Variants in PELI1 observed in about 807,000 individuals in gnomAD.
The protein encoded by PELI1 is pellino E3 ubiquitin protein ligase 1.
A neutral mutation model predicts 41.3 loss-of-function variants in PELI1; 15 were observed. That is an observed-to-expected ratio of 0.36 (90% CI 0.24 to 0.56). The LOEUF (loss-of-function observed/expected upper bound fraction) is 0.56. Ranked by LOEUF, PELI1 falls within the 20% of genes least tolerant of loss-of-function variation. PELI1 has a pLI of 0.82. For synonymous variants in PELI1, 178 were observed against 180.1 expected, an observed-to-expected ratio of 0.99 and a Z score of 0.09; for missense variants, 403 against 525.5, an observed-to-expected ratio of 0.77 and a Z score of 2.28.
At position 64,096,603 on chromosome 2, in the gene PELI1, C is replaced by T. The variant is rs1246882276; in HGVS notation, c.311G>A (p.Arg104Gln). 4 of 1,607,428 alleles carry T rather than the reference C, an allele frequency of 2.5e-6. No individual in the cohort carries two copies. The highest frequency in any genetic ancestry group is 3.4e-6 in the Non-Finnish European group (4 of 1,175,650). Reference sequence around the variant, plus strand: ...AAAATCAATGGGGCTTTCAGTCGACCGGCCAATCTGAGGGAAAAAAAAAAA... The same window carrying T: ...AAAATCAATGGGGCTTTCAGTCGACTGGCCAATCTGAGGGAAAAAAAAAAA... ...DSNTDMFQIG[R>Q]STESPIDFVV... The change falls in exon 5 of 7, where the codon CGG becomes CAG. Residue 104 changes from arginine to glutamine, a missense_variant. Transcript: ENST00000358912.
At chr2:64,108,088 A>T (rs1448267178) in intron 2 of PELI1, 152 bp downstream of exon 2, 1 of 577,844 alleles carries the variant, frequency 1.7e-6, no homozygotes, top group East Asian at 2.8e-5. Flanking sequence ...GAAGTAAAAG[A>T]GTTTCTTGAT....
chr2:64,105,158 T>C (rs1326714583), intron 2 of PELI1, among the ~76,000 whole-genome samples: 1 of 152,220 alleles, frequency 6.6e-6, no homozygotes, highest in Admixed American at 6.5e-5. Context: ...TTATGACTCA[T>C]TCTGTTTTTT....
intron 1 of PELI1, among the ~76,000 whole-genome samples, chr2:64,111,977 C>A (rs1004429100): frequency 6.6e-6 from 1 of 152,018 alleles, no homozygotes; most frequent in Non-Finnish European, 1.5e-5. Context: ...AATTTAATAA[C>A]AATTAAATTT....
chr2:64,142,305 A>T (rs1477501193), intron 1 of PELI1, among the ~76,000 whole-genome samples: 1 of 152,228 alleles, frequency 6.6e-6, no homozygotes, highest in Non-Finnish European at 1.5e-5. Flanking sequence ...GAAAAAAAAT[A>T]AAATAACGAA....
chr2:64,128,877 A>G (rs1681469006), intron 1 of PELI1, among the ~76,000 whole-genome samples: 1 of 152,148 alleles, frequency 6.6e-6, no homozygotes, highest in South Asian at 2.1e-4. Flanking sequence ...TAATTAACAC[A>G]TTGCTCCTTC....
chr2:64,096,194 T>G lies in PELI1; in HGVS notation c.621A>C (p.Arg207Ser). The G allele has an allele frequency of 6.2e-7, 1 of 1,614,156 alleles. No homozygotes were observed. Among genetic ancestry groups the G allele is most frequent in the South Asian group, 1.1e-5 (1 of 91,086 alleles). ...FTEDSKPGIW[R>S]EISVCGNVFS... is the part of the protein sequence containing the mutation. Reference sequence around the variant, plus strand: ...ATACATTTCCACACACCGATATTTCTCTCCATATTCCAGGCTTGGAGTCTT... The same window carrying G: ...ATACATTTCCACACACCGATATTTCGCTCCATATTCCAGGCTTGGAGTCTT... Residue 207 changes from arginine (R) to serine (S), a missense_variant, in exon 6 of 7, where the codon AGA (arginine) becomes AGC (serine). By Grantham distance (110) the Arg-to-Ser change is moderately radical. Transcript: ENST00000358912.
intron 2 of PELI1, 32 bp from the exon 3 acceptor site, chr2:64,104,862 T>G: frequency 1.3e-6 from 2 of 1,586,090 alleles, no homozygotes; most frequent in Non-Finnish European, 1.7e-6. Flanking sequence ...AGGTGATCTC[T>G]TGCAAGAACT....
chr2:64,104,680 GCTT>G lies in PELI1; in HGVS notation c.201+18_201+20del, dbSNP rs1558474660. On this transcript the variant is annotated intron_variant, in intron 3 of 6. Transcript: ENST00000358912. ...CAAATTCTCCAAGTTAATTTATGTA[GCTT>G]TTTTTTTTTTTTTTTACCTTTGCAG... is the stretch of plus-strand genomic sequence containing the variant. 7.2e-7 allele frequency: 1 copy of G among 1,387,856 alleles called. No homozygotes were observed. The highest frequency in any genetic ancestry group is 1.6e-5 in the African/African-American group (1 of 62,072). The allele number at this position is 1,387,856 out of a possible 1,614,324, so 86.0% of individuals were successfully genotyped here. A position where few individuals can be genotyped will look rare whatever the true frequency, so the allele number is the denominator to read the frequency against.
At chr2:64,132,082 A>C (rs1019570754) in intron 1 of PELI1, among the ~76,000 whole-genome samples, 3 of 152,256 alleles carry the variant, frequency 2.0e-5, no homozygotes, top group Admixed American at 2.0e-4. Flanking sequence ...AATTGGCAAC[A>C]GATCTTTCCC....
chr2:64,136,189 T>TG (rs1681711213), intron 1 of PELI1, among the ~76,000 whole-genome samples: 1 of 151,856 alleles, frequency 6.6e-6, no homozygotes, highest in Non-Finnish European at 1.5e-5. Flanking sequence ...GAAAAACCAC[T>TG]GCCACTTTTT....
intron 1 of PELI1, among the ~76,000 whole-genome samples, chr2:64,133,315 C>G (rs572760493): frequency 6.6e-6 from 1 of 152,220 alleles, no homozygotes; most frequent in Admixed American, 6.5e-5. Context: ...CAACCCTGAG[C>G]ACTCAATGTG....
intron 3 of PELI1, 179 bp downstream of exon 3, chr2:64,104,522 A>G (rs1680554260): frequency 2.1e-6 from 2 of 953,786 alleles, no homozygotes; most frequent in Non-Finnish European, 1.4e-6. Context: ...TAAAAGTCCA[A>G]TTCCCCTTCC....
intron 1 of PELI1, among the ~76,000 whole-genome samples, chr2:64,112,923 C>T (rs368790252): frequency 6.6e-6 from 1 of 151,948 alleles, no homozygotes; most frequent in Non-Finnish European, 1.5e-5. Context: ...CAATGCTTTC[C>T]TACTCACTGT....
At chr2:64,143,381 G>A (rs987897422) in intron 1 of PELI1, 3 of 152,102 alleles carry the variant, frequency 2.0e-5, no homozygotes, top group Non-Finnish European at 2.9e-5. Flanking sequence ...TTTTCCACGG[G>A]GCTTTGGAGA....
intron 4 of PELI1, among the ~76,000 whole-genome samples, chr2:64,100,049 C>T (rs1173811893): frequency 6.6e-6 from 1 of 152,128 alleles, no homozygotes; most frequent in Non-Finnish European, 1.5e-5. Flanking sequence ...ATAATAGCTA[C>T]TATTCACTAA....
chr2:64,113,801 C>G (rs2103702186), intron 1 of PELI1, among the ~76,000 whole-genome samples: 1 of 152,114 alleles, frequency 6.6e-6, no homozygotes, highest in Admixed American at 6.5e-5. Flanking sequence ...ATTTTCATAT[C>G]AAGTCTTCCC....
chr2:64,094,733 A>T lies in PELI1; in HGVS notation c.1226T>A (p.Ile409Asn). ...TAGAGGTCCTTGAAAAATAAGTCTG[A>T]TGTAGCCTTGTTCACCAGCCAACTG... ...AHQLAGEQGY[I>N]RLIFQGPLD The change falls in exon 7 of 7, where the codon ATC becomes AAC. Residue 409 changes from isoleucine to asparagine, a missense_variant. Ile to Asn is a moderately radical substitution (Grantham distance 149). Coordinates refer to ENST00000358912, the MANE Select transcript of PELI1 (RefSeq NM_020651.4). 1.9e-6 allele frequency: 3 copies of T among 1,614,072 alleles called. No individual in the cohort carries two copies. Among genetic ancestry groups the T allele is most frequent in the Non-Finnish European group, 2.5e-6 (3 of 1,179,910 alleles).
intron 1 of PELI1, among the ~76,000 whole-genome samples, chr2:64,135,951 C>A (rs1270651861): frequency 6.6e-6 from 1 of 152,186 alleles, no homozygotes; most frequent in Non-Finnish European, 1.5e-5. Context: ...AGAGAATTAT[C>A]CATACTTATA....
intron 6 of PELI1, 123 bp downstream of exon 6, chr2:64,096,002 T>TA: frequency 1.4e-6 from 1 of 707,358 alleles, no homozygotes; most frequent in Non-Finnish European, 2.4e-6. Context: ...CAGTGTTTGA[T>TA]AGACTTAGTA....
Sources: allele counts gnomAD v4.1 joint callset (sites outside exome capture counted in the v4.1 genomes callset), GRCh38; gene constraint gnomAD v4.1.1; transcripts MANE v1.5; gene names NCBI Gene and HGNC (gene_info 2026-07-23, HGNC 2026-07-21).